PGCKA1: variants seen among roughly 807,000 people sequenced by gnomAD.
PGCKA1 encodes PDCD10 and GCKIII kinases associated 1.
the PGCKA1 span, among the ~76,000 whole-genome samples, chr4:37,475,688 A>G: frequency 6.6e-6 from 1 of 152,090 alleles, no homozygotes; most frequent in Non-Finnish European, 1.5e-5. Flanking sequence ...TAGGTCACAT[A>G]TACAAATTTG....
At chr4:37,473,884 A>G in the PGCKA1 span, among the ~76,000 whole-genome samples, 1 of 152,156 alleles carries the variant, frequency 6.6e-6, no homozygotes, top group Non-Finnish European at 1.5e-5. Flanking sequence ...CCGGTAGGGC[A>G]TATCTGCTTG....
chr4:37,485,585 A>C, the PGCKA1 span, among the ~76,000 whole-genome samples: 5 of 152,166 alleles, frequency 3.3e-5, no homozygotes, highest in African/African-American at 1.2e-4. Context: ...ACCCAGTCTC[A>C]GGTATTCTGT....
chr4:37,590,290 C>T, the PGCKA1 span: 1 of 1,614,070 alleles, frequency 6.2e-7, no homozygotes, highest in Non-Finnish European at 8.5e-7. Flanking sequence ...GCCCTGCTGG[C>T]CTCACCAAGG....
the PGCKA1 span, among the ~76,000 whole-genome samples, chr4:37,592,703 T>TTGGACAAGTTATGTATCCC: frequency 3.2e-3 from 495 of 152,366 alleles, 1 homozygote; most frequent in Non-Finnish European, 4.8e-3. Flanking sequence ...CCATGTGACC[T>TTGGACAAGTTATGTATCCC]TGGACAAGTT....
At chr4:37,592,784 TGTAA>T in the PGCKA1 span, among the ~76,000 whole-genome samples, 8 of 152,234 alleles carry the variant, frequency 5.3e-5, no homozygotes, top group Non-Finnish European at 1.2e-4. Flanking sequence ...AATGAGATGA[TGTAA>T]GTGTTTAGCA....
the PGCKA1 span, among the ~76,000 whole-genome samples, chr4:37,531,041 T>A: frequency 1.3e-5 from 2 of 152,180 alleles, no homozygotes; most frequent in Non-Finnish European, 2.9e-5. Context: ...AGGAAGTAGC[T>A]CACCTGACTG....
the PGCKA1 span, among the ~76,000 whole-genome samples, chr4:37,556,905 G>A: frequency 0.44 from 67,484 of 152,010 alleles, 15,318 homozygotes; most frequent in African/African-American, 0.53. Context: ...TGTTTGAGCA[G>A]TGTATCAGAG....
chr4:37,521,412 T>C, the PGCKA1 span, among the ~76,000 whole-genome samples: 1 of 152,244 alleles, frequency 6.6e-6, no homozygotes, highest in African/African-American at 2.4e-5. Context: ...CAAGAAATTT[T>C]TCAATATTCT....
At chr4:37,507,986 C>A in the PGCKA1 span, among the ~76,000 whole-genome samples, 1 of 152,060 alleles carries the variant, frequency 6.6e-6, no homozygotes, top group African/African-American at 2.4e-5. Flanking sequence ...CCTTGAGCAC[C>A]TTAAACATGT....
chr4:37,481,464 CAAAAAAAAAAAAAAAAAAAAA>C, the PGCKA1 span, among the ~76,000 whole-genome samples: 16 of 61,444 alleles, frequency 2.6e-4, no homozygotes, highest in East Asian at 4.9e-3. Flanking sequence ...GACCTGTCTC[CAAAAAAAAAAAAAAAAAAAAA>C]AAAAAAAAAA....
chr4:37,457,135 T>C, the PGCKA1 span, among the ~76,000 whole-genome samples: 1 of 152,352 alleles, frequency 6.6e-6, no homozygotes, highest in East Asian at 1.9e-4. Context: ...AACAACCTAG[T>C]GCTTCTTTCT....
the PGCKA1 span, among the ~76,000 whole-genome samples, chr4:37,521,774 A>C: frequency 3.9e-5 from 6 of 152,230 alleles, no homozygotes; most frequent in East Asian, 1.2e-3. Context: ...TCCAATGCTG[A>C]AAGCGGGATG....
At chr4:37,459,592 T>C in the PGCKA1 span, among the ~76,000 whole-genome samples, 1 of 152,208 alleles carries the variant, frequency 6.6e-6, no homozygotes, top group Non-Finnish European at 1.5e-5. Context: ...GTGAGGTCCA[T>C]GGACCAGCAG....
At chr4:37,463,384 G>C in the PGCKA1 span, among the ~76,000 whole-genome samples, 6 of 152,192 alleles carry the variant, frequency 3.9e-5, no homozygotes, top group Admixed American at 3.9e-4. Flanking sequence ...CGTCAAGATT[G>C]CAGTTACAAT....
the PGCKA1 span, among the ~76,000 whole-genome samples, chr4:37,476,808 A>G: frequency 6.6e-6 from 1 of 152,170 alleles, no homozygotes; most frequent in Non-Finnish European, 1.5e-5. Context: ...ATTTTTGAAA[A>G]TTACCTTGCC....
At chr4:37,588,853 C>T in the PGCKA1 span, 2 of 1,610,634 alleles carry the variant, frequency 1.2e-6, no homozygotes, top group Non-Finnish European at 1.7e-6. Flanking sequence ...CAGGTGGTAA[C>T]AGAAAACAAT....
chr4:37,515,777 C>A, the PGCKA1 span, among the ~76,000 whole-genome samples: 1 of 152,154 alleles, frequency 6.6e-6, no homozygotes, highest in African/African-American at 2.4e-5. Flanking sequence ...ACAGGGATTA[C>A]TGAAATAGAT....
At chr4:37,481,781 C>A in the PGCKA1 span, among the ~76,000 whole-genome samples, 3 of 152,110 alleles carry the variant, frequency 2.0e-5, no homozygotes, top group Admixed American at 2.0e-4. Flanking sequence ...TTGGCTGTGT[C>A]GCCACCCAAA....
chr4:37,481,646 A>G, the PGCKA1 span, among the ~76,000 whole-genome samples: 1 of 152,180 alleles, frequency 6.6e-6, no homozygotes, highest in Admixed American at 6.5e-5. Flanking sequence ...CTCTTTTTAT[A>G]AAGACATCAG....
Sources: gnomAD v4.1 joint callset for allele counts (sites outside exome capture counted in the v4.1 genomes callset) on GRCh38, gnomAD v4.1.1 for gene constraint, MANE v1.5 for transcripts, NCBI Gene and HGNC (gene_info 2026-07-23, HGNC 2026-07-21) for gene names.